Variants in EDA observed in about 807,000 individuals in gnomAD.
The protein encoded by EDA is ectodysplasin-A.
Under a neutral mutation model 23.6 loss-of-function variants are expected in EDA, and 2 were observed. That is an observed-to-expected ratio of 0.08 (90% confidence interval 0.03 to 0.27). The LOEUF (loss-of-function observed/expected upper bound fraction) is 0.27, where lower values mean the gene tolerates loss of function less well. Among genes scored for constraint, EDA ranks in the 10% least tolerant of loss-of-function variants. EDA has a pLI of 1.00. For missense variants in EDA, 229 were observed against 324.2 expected, an observed-to-expected ratio of 0.71 and a Z score of 2.26; for synonymous variants, 131 against 132.0, an observed-to-expected ratio of 0.99 and a Z score of 0.05.
intron 1 of EDA, among the ~76,000 whole-genome samples, chrX:69,726,132 G>T (rs1341310551): frequency 8.9e-6 from 1 of 112,160 alleles, no homozygotes; most frequent in Non-Finnish European, 1.9e-5. Context: ...AGTGAGTTTA[G>T]TTCAGTATTT....
intron 1 of EDA, among the ~76,000 whole-genome samples, chrX:69,788,256 A>G (rs1300872597): frequency 8.9e-6 from 1 of 112,276 alleles, no homozygotes; most frequent in Admixed American, 9.4e-5. Flanking sequence ...CGTAGCTCGG[A>G]GTAATTTGAT....
chrX:69,782,986 G>A (rs774809579), intron 1 of EDA, among the ~76,000 whole-genome samples: 2 of 111,781 alleles, frequency 1.8e-5, no homozygotes, highest in Non-Finnish European at 3.8e-5. Flanking sequence ...TCATTCACCA[G>A]GTCACAGAAA....
At chrX:69,711,120 G>A (rs750902366) in intron 1 of EDA, among the ~76,000 whole-genome samples, 1,499 of 111,313 alleles carry the variant, frequency 0.013, 19 homozygotes, top group African/African-American at 0.044. Context: ...TATGATATTG[G>A]CTGTGGGTTT....
At chrX:69,856,298 T>TGTGTGTG (rs773087260) in intron 1 of EDA, among the ~76,000 whole-genome samples, 3 of 106,266 alleles carry the variant, frequency 2.8e-5, no homozygotes, top group Non-Finnish European at 5.8e-5. Flanking sequence ...TGTGTGTGTG[T>TGTGTGTG]TGCAAATTCT....
At chrX:69,976,066 A>AT (rs200699895) in intron 2 of EDA, among the ~76,000 whole-genome samples, 6 of 110,754 alleles carry the variant, frequency 5.4e-5, no homozygotes, top group South Asian at 3.9e-4. Flanking sequence ...ATTCTAATTT[A>AT]TTTTTTTTCA....
chrX:70,022,147 T>C (rs1485377730), intron 2 of EDA, among the ~76,000 whole-genome samples: 1 of 109,587 alleles, frequency 9.1e-6, no homozygotes, highest in African/African-American at 3.3e-5. Context: ...AAAAAATGAC[T>C]GTCTGGGAGC....
chrX:69,686,071 C>T (rs780327831), intron 1 of EDA, among the ~76,000 whole-genome samples: 10 of 112,172 alleles, frequency 8.9e-5, no homozygotes, highest in East Asian at 2.8e-4. Flanking sequence ...TGCAGAGGCA[C>T]GAACTCGGCT....
intron 1 of EDA, among the ~76,000 whole-genome samples, chrX:69,810,184 G>A (rs1228974061): frequency 1.1e-5 from 1 of 88,809 alleles, no homozygotes; most frequent in Admixed American, 1.5e-4. Flanking sequence ...CCTGAACCTG[G>A]GAGGCAGAGG....
chrX:69,886,578 G>A (rs907422887), intron 1 of EDA, among the ~76,000 whole-genome samples: 1 of 111,049 alleles, frequency 9.0e-6, no homozygotes, highest in Admixed American at 9.6e-5. Context: ...GCTTTCCCAG[G>A]GACTCAAAGT....
chrX:69,751,685 A>G (rs1185408255), intron 1 of EDA, among the ~76,000 whole-genome samples: 1 of 111,328 alleles, frequency 9.0e-6, no homozygotes, highest in Non-Finnish European at 1.9e-5. Context: ...ATTTGTTTGT[A>G]TCCTCTTTTA....
At chrX:69,682,993 G>T (rs1255142824) in intron 1 of EDA, among the ~76,000 whole-genome samples, 2 of 111,478 alleles carry the variant, frequency 1.8e-5, no homozygotes, top group African/African-American at 3.3e-5. Flanking sequence ...GATACCCCAG[G>T]TTTGAATCAT....
chrX:69,991,159 T>C (rs1375122537), intron 2 of EDA, among the ~76,000 whole-genome samples: 1 of 111,917 alleles, frequency 8.9e-6, no homozygotes, highest in African/African-American at 3.3e-5. Flanking sequence ...AAAATCTGAT[T>C]CATCCCTGTA....
At chrX:69,816,448 G>GA (rs1302790047) in intron 1 of EDA, among the ~76,000 whole-genome samples, 3 of 111,412 alleles carry the variant, frequency 2.7e-5, no homozygotes, top group Non-Finnish European at 5.6e-5. Context: ...TAAGAATCAT[G>GA]AAAAAACAAT....
intron 5 of EDA, among the ~76,000 whole-genome samples, chrX:70,029,976 C>T (rs1368007678): frequency 8.9e-6 from 1 of 112,372 alleles, no homozygotes; most frequent in Non-Finnish European, 1.9e-5. Context: ...CTAGCCTGGG[C>T]GTCTGCCTTA....
At position 69,924,585 on chromosome X, in the gene EDA, G is replaced by T. The variant is rs747883013; in HGVS notation, c.397-32442G>T. Among the ~76,000 whole-genome samples the T allele has an allele frequency of 1.8e-5, 2 of 111,674 alleles. 1 individual carries two copies. Among genetic ancestry groups the T allele is most frequent in the South Asian group, 7.5e-4 (2 of 2,664 alleles). ...ATAGTTTGAAGTCAGGTAATGTGAT[G>T]CCTCCAGCTTTGTTCTTTTTACTTA... is the stretch of plus-strand genomic sequence containing the variant. On this transcript the variant is annotated intron_variant, in intron 1 of 7. Coordinates refer to ENST00000374552, the MANE Select transcript of EDA (RefSeq NM_001399.5).
intron 1 of EDA, among the ~76,000 whole-genome samples, chrX:69,878,568 C>T (rs980703288): frequency 2.7e-5 from 3 of 111,724 alleles, no homozygotes; most frequent in African/African-American, 9.8e-5. Flanking sequence ...ACAGAACTTC[C>T]CAACACATGA....
chrX:69,960,445 G>C (rs771764600), intron 2 of EDA, among the ~76,000 whole-genome samples: 4 of 111,479 alleles, frequency 3.6e-5, no homozygotes, highest in Non-Finnish European at 7.5e-5. Flanking sequence ...TATGGGGAAA[G>C]AGTTTAGTTA....
chrX:69,641,104 G>A (rs1173335414), intron 1 of EDA, among the ~76,000 whole-genome samples: 1 of 110,690 alleles, frequency 9.0e-6, no homozygotes, highest in East Asian at 2.8e-4. Flanking sequence ...AAAAATTTTG[G>A]GCTCATGTAA....
intron 2 of EDA, among the ~76,000 whole-genome samples, chrX:69,959,427 G>T (rs1216864030): frequency 3.6e-5 from 4 of 111,930 alleles, no homozygotes; most frequent in Non-Finnish European, 7.5e-5. Flanking sequence ...ATGCTCCAAT[G>T]AGTTAAAGAG....
Sources: gnomAD v4.1 joint callset for allele counts (sites outside exome capture counted in the v4.1 genomes callset) on GRCh38, gnomAD v4.1.1 for gene constraint, MANE v1.5 for transcripts, NCBI Gene and HGNC (gene_info 2026-07-23, HGNC 2026-07-21) for gene names.